Variants in PLD1 observed in about 807,000 individuals in gnomAD.
PLD1 encodes choline phosphatase 1.
In PLD1, 112 loss-of-function variants were observed where a neutral mutation model predicts 137.1. The observed-to-expected ratio is 0.82, with a 90% CI of 0.70 to 0.96. PLD1 has a LOEUF of 0.96. Ranked by LOEUF, PLD1 falls within the 40% of genes least tolerant of loss-of-function variation. PLD1 has a pLI of 0.00. For synonymous variants in PLD1, 431 were observed against 454.7 expected (o/e 0.95, Z 0.66); for missense variants, 1,321 against 1,342.0 (o/e 0.98, Z 0.24).
intron 11 of PLD1, among the ~76,000 whole-genome samples, chr3:171,701,417 T>G (rs1227058801): frequency 2.6e-5 from 4 of 152,214 alleles, no homozygotes; most frequent in Non-Finnish European, 5.9e-5. Context: ...CAACAACATA[T>G]ATACAATTGC....
intron 1 of PLD1, among the ~76,000 whole-genome samples, chr3:171,742,967 C>G (rs963180300): frequency 2.0e-5 from 3 of 151,970 alleles, no homozygotes; most frequent in Non-Finnish European, 4.4e-5. Flanking sequence ...AACATTGCTT[C>G]TGCAAATATT....
At chr3:171,663,562 G>T (rs1023919430) in intron 19 of PLD1, among the ~76,000 whole-genome samples, 1 of 152,292 alleles carries the variant, frequency 6.6e-6, no homozygotes, top group Admixed American at 6.5e-5. Context: ...GCTGTGGCAG[G>T]TCATGTCAGG....
intron 23 of PLD1, among the ~76,000 whole-genome samples, chr3:171,635,955 G>A (rs78073437): frequency 0.044 from 4,336 of 98,598 alleles, 288 homozygotes; most frequent in African/African-American, 0.14. Context: ...ATGAGGTAGG[G>A]GTTCAACTTC....
intron 1 of PLD1, among the ~76,000 whole-genome samples, chr3:171,746,185 A>T (rs930862448): frequency 2.0e-5 from 3 of 152,164 alleles, no homozygotes; most frequent in Non-Finnish European, 4.4e-5. Flanking sequence ...GCTCCCGCAC[A>T]GCCGGAGCCT....
At chr3:171,632,521 C>G (rs569708962) in intron 23 of PLD1, among the ~76,000 whole-genome samples, 5 of 151,854 alleles carry the variant, frequency 3.3e-5, no homozygotes, top group African/African-American at 1.2e-4. Context: ...CTTGTTTTCT[C>G]AGAAACCACA....
intron 1 of PLD1, among the ~76,000 whole-genome samples, chr3:171,755,267 CAT>C (rs2108297506): frequency 1.3e-5 from 2 of 152,102 alleles, no homozygotes; most frequent in South Asian, 4.2e-4. Flanking sequence ...CCTTCTAGTT[CAT>C]CCCTCCTCCT....
intron 25 of PLD1, among the ~76,000 whole-genome samples, chr3:171,609,443 C>T (rs990824991): frequency 6.6e-6 from 1 of 151,248 alleles, no homozygotes; most frequent in Non-Finnish European, 1.5e-5. Flanking sequence ...TATCACAGCA[C>T]TATTCACAAT....
chr3:171,725,206 A>G (rs1355175611), intron 7 of PLD1, among the ~76,000 whole-genome samples: 2 of 152,106 alleles, frequency 1.3e-5, no homozygotes, highest in Admixed American at 1.3e-4. Flanking sequence ...TATAAATATA[A>G]AAAAATGTTG....
chr3:171,620,354 G>C, intron 24 of PLD1, 32 bp downstream of exon 24: 2 of 1,474,400 alleles, frequency 1.4e-6, no homozygotes, highest in Non-Finnish European at 1.8e-6. Context: ...AACTGGCAAG[G>C]AATACAATTA....
chr3:171,796,337 A>C (rs935065064), intron 1 of PLD1, among the ~76,000 whole-genome samples: 1 of 152,248 alleles, frequency 6.6e-6, no homozygotes, highest in South Asian at 2.1e-4. Context: ...CATAGAGCAC[A>C]TATCAAAAAA....
In PLD1 at chr3:171,620,392, T is replaced by C. The variant is rs1335091742; in HGVS notation, c.2722A>G (p.Ile908Val). 8.8e-6 allele frequency: 14 copies of C among 1,592,684 alleles called. No homozygotes were observed. The highest frequency in any genetic ancestry group is 2.7e-5 in the African/African-American group (2 of 74,592). Residue 908 changes from isoleucine (I) to valine (V), a missense_variant, in exon 24 of 27, where the codon ATT (isoleucine) becomes GTT (valine). Coordinates refer to ENST00000351298, the MANE Select transcript of PLD1 (RefSeq NM_002662.5). ...KLLIADDNTV[I>V]IGSANINDRS... ...GACCATATACTGTACTTACCAATAATAACAGTGTTATCATCAGCAATTAAC... is the reference window on the plus strand; with the variant it reads ...GACCATATACTGTACTTACCAATAACAACAGTGTTATCATCAGCAATTAAC...
At chr3:171,668,186 C>T (rs1712355380) in intron 19 of PLD1, among the ~76,000 whole-genome samples, 1 of 152,204 alleles carries the variant, frequency 6.6e-6, no homozygotes, top group Non-Finnish European at 1.5e-5. Context: ...CAGTGCCAAG[C>T]ACACAGCAAA....
At chr3:171,634,515 T>C (rs2108343440) in intron 23 of PLD1, among the ~76,000 whole-genome samples, 1 of 152,294 alleles carries the variant, frequency 6.6e-6, no homozygotes, top group South Asian at 2.1e-4. Context: ...CAAATCTCTG[T>C]CCTAGATACA....
intron 1 of PLD1, among the ~76,000 whole-genome samples, chr3:171,749,681 C>T (rs1202403342): frequency 6.6e-6 from 1 of 152,084 alleles, no homozygotes; most frequent in Non-Finnish European, 1.5e-5. Context: ...GACTAAAACT[C>T]GGATAGAAAG....
intron 3 of PLD1, among the ~76,000 whole-genome samples, chr3:171,736,421 T>C (rs1276536002): frequency 1.3e-4 from 20 of 152,088 alleles, no homozygotes; most frequent in Admixed American, 1.3e-3. Flanking sequence ...TACCCCCACA[T>C]GTTATTATCT....
At position 171,635,965 on chromosome 3, in the gene PLD1, C is replaced by CTTTTTTTT. The variant is rs71178231; in HGVS notation, c.2593+6867_2593+6874dup. Among the ~76,000 whole-genome samples the CTTTTTTTT allele has an allele frequency of 1.8e-3, 91 of 49,264 alleles. 4 individuals carry two copies. The highest frequency in any genetic ancestry group is 2.6e-3 in the Non-Finnish European group (58 of 22,584). The allele number at this position is 49,264 out of a possible 152,430, so 32.3% of individuals were successfully genotyped here. ...ATGGTATGAGGTAGGGGTTCAACTT[C>CTTTTTTTT]TTTTTTTTTTTTTTTTTTTTTTTTT... On this transcript the variant is annotated intron_variant, in intron 23 of 26. Coordinates refer to ENST00000351298, the MANE Select transcript of PLD1 (RefSeq NM_002662.5).
At chr3:171,727,010 A>G (rs1203619691) in intron 6 of PLD1, among the ~76,000 whole-genome samples, 3 of 152,240 alleles carry the variant, frequency 2.0e-5, no homozygotes. Context: ...GCATACATAA[A>G]CGAATAACTG....
chr3:171,776,612 T>C (rs539660631), intron 1 of PLD1, among the ~76,000 whole-genome samples: 2 of 152,358 alleles, frequency 1.3e-5, no homozygotes, highest in South Asian at 4.1e-4. Flanking sequence ...ATTCATTATT[T>C]AATCTGTGAC....
intron 18 of PLD1, among the ~76,000 whole-genome samples, chr3:171,676,135 C>A (rs1377941979): frequency 6.6e-6 from 1 of 152,154 alleles, no homozygotes; most frequent in Non-Finnish European, 1.5e-5. Context: ...GGCCACCGTG[C>A]CTGGCCTGAA....
Sources: allele counts gnomAD v4.1 joint callset (sites outside exome capture counted in the v4.1 genomes callset), GRCh38; gene constraint gnomAD v4.1.1; transcripts MANE v1.5; gene names NCBI Gene and HGNC (gene_info 2026-07-23, HGNC 2026-07-21).